NUP210: variants seen among roughly 807,000 people sequenced by gnomAD.
The protein encoded by NUP210 is nuclear pore membrane glycoprotein 210.
A neutral mutation model predicts 196.0 loss-of-function variants in NUP210; 151 were observed. The observed-to-expected ratio is 0.77, with a 90% CI of 0.67 to 0.88. NUP210 has a LOEUF of 0.88. NUP210 is among the 40% of genes least tolerant of loss of function. The pLI, the probability that NUP210 is intolerant of heterozygous loss-of-function variation, is 0.00. For synonymous variants in NUP210, 1,070 were observed against 1,052.7 expected, an observed-to-expected ratio of 1.02 and a Z score of -0.32; for missense variants, 2,314 against 2,493.7, an observed-to-expected ratio of 0.93 and a Z score of 1.53.
intron 13 of NUP210, among the ~76,000 whole-genome samples, 183 bp downstream of exon 13, chr3:13,371,651 G>A (rs773254573): frequency 6.6e-6 from 1 of 152,216 alleles, no homozygotes; most frequent in African/African-American, 2.4e-5. Context: ...GAAGTCACAC[G>A]GTGGGCAAGA....
chr3:13,335,722 C>T (rs991454879), intron 27 of NUP210, 110 bp from the exon 28 acceptor site: 7 of 1,235,696 alleles, frequency 5.7e-6, no homozygotes, highest in Non-Finnish European at 8.0e-6. Context: ...GTCCTGGTAG[C>T]TGCTGGCCTG....
At chr3:13,407,475 G>A (rs1700038525) in intron 1 of NUP210, among the ~76,000 whole-genome samples, 1 of 152,092 alleles carries the variant, frequency 6.6e-6, no homozygotes, top group Non-Finnish European at 1.5e-5. Context: ...CAAAGATTCA[G>A]GCCCAAAACA....
At chr3:13,403,943 C>T (rs1006785341) in intron 1 of NUP210, among the ~76,000 whole-genome samples, 5 of 152,192 alleles carry the variant, frequency 3.3e-5, no homozygotes, top group South Asian at 2.1e-4. Context: ...GACCGGGCCA[C>T]GTCTGGCCTC....
At chr3:13,374,421 T>G (rs1363525415) in intron 11 of NUP210, among the ~76,000 whole-genome samples, 1 of 152,174 alleles carries the variant, frequency 6.6e-6, no homozygotes, top group Admixed American at 6.5e-5. Flanking sequence ...AAAACACCTG[T>G]GGCCACTTCC....
chr3:13,352,013 G>C, intron 19 of NUP210, 33 bp from the exon 20 acceptor site: 1 of 1,602,980 alleles, frequency 6.2e-7, no homozygotes, highest in Non-Finnish European at 8.5e-7. Context: ...GGGTTGGGCC[G>C]CATGTGGGAG....
At position 13,321,634 on chromosome 3, in the gene NUP210, C is replaced by A. The variant is rs899897009; in HGVS notation, c.5117G>T (p.Ser1706Ile). ...AEILLSNHYT[S>I]SEIRVFGAPE... ...GGCACCAAAGACCCTGATCTCGGAACTGGTGTAGTGGTTGCTCAAAAGGAT... is the reference window on the plus strand; with the variant it reads ...GGCACCAAAGACCCTGATCTCGGAAATGGTGTAGTGGTTGCTCAAAAGGAT... Residue 1706 changes from serine (S) to isoleucine (I), a missense_variant, in exon 36 of 40, where the codon AGT (serine) becomes ATT (isoleucine). Coordinates refer to ENST00000254508, the MANE Select transcript of NUP210 (RefSeq NM_024923.4). 6.2e-7 allele frequency: 1 copy of A among 1,614,028 alleles called. No individual in the cohort carries two copies. Among genetic ancestry groups the A allele is most frequent in the Non-Finnish European group, 8.5e-7 (1 of 1,180,034 alleles).
rs113930725 is a variant in NUP210, at chr3:13,391,310, A to G, written c.437-3T>C. ...AGCCAGAGTGCTGAAGGTGTTCCCT[A>G]TAAGAGCAGATGGGAGAGGCAGACA... On this transcript the variant is annotated splice_region_variant and splice_polypyrimidine_tract_variant and intron_variant, in intron 3 of 39. Coordinates refer to ENST00000254508, the MANE Select transcript of NUP210 (RefSeq NM_024923.4). 505 of 1,594,124 alleles carry G rather than the reference A, an allele frequency of 3.2e-4. No homozygotes were observed. In the African/African-American group the frequency reaches 4.9e-3, roughly 16 times the overall value.
intron 1 of NUP210, among the ~76,000 whole-genome samples, chr3:13,418,385 G>C (rs1700415409): frequency 6.6e-6 from 1 of 152,272 alleles, no homozygotes; most frequent in African/African-American, 2.4e-5. Flanking sequence ...TTGAGGTCAG[G>C]AGTTCGAGAC....
Position 13,323,524 on chromosome 3 carries a change from A to G in NUP210, c.4645-92T>C, listed in dbSNP as rs1052087128. 195 of 1,446,906 alleles carry G rather than the reference A, an allele frequency of 1.3e-4. No homozygotes were observed. The highest frequency in any genetic ancestry group is 1.5e-4 in the Non-Finnish European group (162 of 1,049,966). The allele number at this position is 1,446,906 out of a possible 1,614,324, so 89.6% of individuals were successfully genotyped here. A position where few individuals can be genotyped will look rare whatever the true frequency, so the allele number is the denominator to read the frequency against. ...ACAACCTCACCCTGCAGTCTGTGAC[A>G]TAGTGTCACCCGTTTCACAGGTGGC... On this transcript the variant is annotated intron_variant, in intron 33 of 39. Coordinates refer to ENST00000254508, the MANE Select transcript of NUP210 (RefSeq NM_024923.4). This position sits in a 1 kb window ranked among gnomAD's most constrained non-coding sequence, Gnocchi z 4.3.
Position 13,343,228 on chromosome 3 carries a change from C to A in NUP210, c.2911G>T (p.Ala971Ser), listed in dbSNP as rs1434542669. 3 of 1,613,698 alleles carry A rather than the reference C, an allele frequency of 1.9e-6. No homozygotes were observed. The highest frequency in any genetic ancestry group is 1.1e-5 in the South Asian group (1 of 91,080). Residue 971 changes from alanine to serine, a missense_variant, in exon 21 of 40, where the codon GCT (alanine) becomes TCT (serine). Ala to Ser is a moderately conservative substitution (Grantham distance 99). Transcript: ENST00000254508. ...LCLVFPAPAK[A>S]VVYVSDIQEL... ...TGAATGTCCGACACGTAAACGACAG[C>A]CTTGGCTGGGGCCGGGAAGACGAGG...
At position 13,410,963 on chromosome 3, in the gene NUP210, T is replaced by C. The variant is rs576769198; in HGVS notation, c.167+9097A>G. Among the ~76,000 whole-genome samples, 3 of 149,580 alleles carry C rather than the reference T, an allele frequency of 2.0e-5. No individual in the cohort carries two copies. In the East Asian group the frequency reaches 6.0e-4, roughly 30 times the overall value. ...TTAGCCAGGTGTGGTGGCATGCACC[T>C]TTAGTCCCAGCACTTTGGGAGGCCA... On this transcript the variant is annotated intron_variant, in intron 1 of 39. Transcript: ENST00000254508.
rs1341865325 is a variant in NUP210, at chr3:13,350,995, G to A, written c.2835+884C>T. Among the ~76,000 whole-genome samples the A allele has an allele frequency of 6.6e-6, 1 of 152,116 alleles. No homozygotes were observed. Among genetic ancestry groups the A allele is most frequent in the Non-Finnish European group, 1.5e-5 (1 of 68,042 alleles). On this transcript the variant is annotated intron_variant, in intron 20 of 39. Transcript: ENST00000254508. The surrounding 1 kb of genome is among the most constrained non-coding windows in gnomAD (Gnocchi z 4.1). ...TTACAGGCATGAGCCACCGCACCCG[G>A]CCAGAAATTCTTAAATTGAAAAGTA...
rs1333587528 is a variant in NUP210, at chr3:13,325,746, G to A, written c.4644+49C>T. The A allele has an allele frequency of 9.4e-6, 15 of 1,600,246 alleles. No homozygotes were observed. The highest frequency in any genetic ancestry group is 1.3e-5 in the African/African-American group (1 of 74,804). ...ATAATCCTCCCAGAAGGTCAGGCCC[G>A]CCTCACAGGCCACTGAGCCACATGT... On this transcript the variant is annotated intron_variant, in intron 33 of 39. Transcript: ENST00000254508.
intron 20 of NUP210, among the ~76,000 whole-genome samples, chr3:13,343,557 G>A (rs1426649958): frequency 2.0e-5 from 3 of 152,208 alleles, no homozygotes; most frequent in African/African-American, 7.2e-5. Context: ...TAACACATTA[G>A]TGCCAGGCTG....
At chr3:13,376,521 G>T in intron 9 of NUP210, 90 bp from the exon 10 acceptor site, 1 of 1,518,246 alleles carries the variant, frequency 6.6e-7, no homozygotes. Context: ...ACTGAAACCA[G>T]CAGCCAGGCC....
At chr3:13,383,691 AT>A (rs949234993) in intron 6 of NUP210, among the ~76,000 whole-genome samples, 1 of 151,076 alleles carries the variant, frequency 6.6e-6, no homozygotes, top group African/African-American at 2.4e-5. Flanking sequence ...TGCCCAGCTA[AT>A]TTTTTTCTGT....
At chr3:13,324,870 C>T (rs1696682074) in intron 33 of NUP210, among the ~76,000 whole-genome samples, 1 of 152,224 alleles carries the variant, frequency 6.6e-6, no homozygotes, top group Admixed American at 6.5e-5. Context: ...ATGAGCTGAG[C>T]ACCACCCTAG....
At chr3:13,361,345 G>A (rs1374963880) in intron 14 of NUP210, among the ~76,000 whole-genome samples, 1 of 152,214 alleles carries the variant, frequency 6.6e-6, no homozygotes, top group Non-Finnish European at 1.5e-5. Flanking sequence ...AATTAAAGTA[G>A]TATTTCACAC....
At chr3:13,320,905 A>AG (rs1172190502) in intron 36 of NUP210, among the ~76,000 whole-genome samples, 1 of 151,712 alleles carries the variant, frequency 6.6e-6, no homozygotes, top group Non-Finnish European at 1.5e-5. Context: ...AAAAAAAAAA[A>AG]AGGCTAAACC....
Sources: gnomAD v4.1 joint callset for allele counts (sites outside exome capture counted in the v4.1 genomes callset) on GRCh38, gnomAD v4.1.1 for gene constraint, Gnocchi (gnomAD v3.1) non-coding constraint, MANE v1.5 for transcripts, NCBI Gene and HGNC (gene_info 2026-07-23, HGNC 2026-07-21) for gene names.